Variants in KIF13B observed in about 807,000 individuals in gnomAD.
KIF13B encodes the protein kinesin family member 13B.
In KIF13B, 127 loss-of-function variants were observed where a neutral mutation model predicts 222.0. The ratio of observed to expected loss-of-function variants is 0.57; its 90% confidence interval spans 0.50 to 0.66. KIF13B has a LOEUF of 0.66. Among genes scored for constraint, KIF13B ranks in the 30% least tolerant of loss-of-function variants. The pLI is 0.00. For synonymous variants in KIF13B, 976 were observed against 919.0 expected, an observed-to-expected ratio of 1.06 and a Z score of -1.12; for missense variants, 2,173 against 2,379.0, an observed-to-expected ratio of 0.91 and a Z score of 1.80.
chr8:29,147,787 T>A (rs1811124207), intron 16 of KIF13B, among the ~76,000 whole-genome samples, 185 bp from the exon 17 acceptor site: 1 of 152,208 alleles, frequency 6.6e-6, no homozygotes, highest in African/African-American at 2.4e-5. Flanking sequence ...CTCAGACATA[T>A]CCTCAACCAT....
intron 2 of KIF13B, among the ~76,000 whole-genome samples, chr8:29,202,313 T>A (rs1813730798): frequency 6.6e-6 from 1 of 152,120 alleles, no homozygotes; most frequent in Non-Finnish European, 1.5e-5. Context: ...AAGTGGGATA[T>A]CTCTTTATTT....
At chr8:29,091,459 C>T (rs1434223092) in intron 37 of KIF13B, among the ~76,000 whole-genome samples, 2 of 152,214 alleles carry the variant, frequency 1.3e-5, no homozygotes, top group African/African-American at 4.8e-5. Context: ...GGATAGCAGA[C>T]TTCACTGAAT....
intron 30 of KIF13B, among the ~76,000 whole-genome samples, chr8:29,118,081 C>G (rs930365120): frequency 6.6e-6 from 1 of 151,846 alleles, no homozygotes; most frequent in African/African-American, 2.4e-5. Context: ...TCACTTGAAC[C>G]CAGGAGGCAG....
chr8:29,070,781 G>C lies in KIF13B; in HGVS notation c.5219-15C>G, dbSNP rs1353961369. On this transcript the variant is annotated splice_polypyrimidine_tract_variant and intron_variant, in intron 39 of 39. Coordinates refer to ENST00000524189, the MANE Select transcript of KIF13B (RefSeq NM_015254.4). This position sits in a 1 kb window ranked among gnomAD's most constrained non-coding sequence, Gnocchi z 4.1. The stretch of plus-strand genomic sequence containing the variant: ...GTCATTCTTACCTGCGGGGGAAGGA[G>C]AGGGTGATATGGAGGGCAGCCGAGC... The C allele has an allele frequency of 5.0e-6, 8 of 1,584,358 alleles. No individual in the cohort carries two copies. The highest frequency in any genetic ancestry group is 6.9e-6 in the Non-Finnish European group (8 of 1,166,064).
intron 19 of KIF13B, among the ~76,000 whole-genome samples, chr8:29,141,631 T>C (rs896278628): frequency 1.3e-5 from 2 of 152,196 alleles, no homozygotes; most frequent in Non-Finnish European, 2.9e-5. Flanking sequence ...ACATGGCTGA[T>C]CTAAGTAAGA....
Position 29,077,257 on chromosome 8 carries a change from C to T in KIF13B, c.4459-1914G>A, listed in dbSNP as rs574845996. Among the ~76,000 whole-genome samples the T allele has an allele frequency of 1.4e-4, 21 of 152,318 alleles. 3 individuals carry two copies. In the South Asian group the frequency reaches 4.1e-3, roughly 30 times the overall value. On this transcript the variant is annotated intron_variant, in intron 37 of 39. Transcript: ENST00000524189. ...AGTCTCCCCTCTGCGCCCCTCCCAG[C>T]ACTCAGCTCCTTCTGTCCCACTACT...
intron 1 of KIF13B, among the ~76,000 whole-genome samples, chr8:29,251,956 A>C (rs1192168673): frequency 3.3e-5 from 5 of 152,038 alleles, no homozygotes. Context: ...CAAGCTTTAC[A>C]GTACTCAGAA....
chr8:29,174,988 G>A (rs141837263), intron 10 of KIF13B, among the ~76,000 whole-genome samples: 31 of 152,178 alleles, frequency 2.0e-4, no homozygotes, highest in Non-Finnish European at 3.8e-4. Context: ...CTACTGGGGC[G>A]GCCCGTGTTG....
intron 2 of KIF13B, among the ~76,000 whole-genome samples, chr8:29,218,206 C>A (rs1814580449): frequency 6.6e-6 from 1 of 152,158 alleles, no homozygotes; most frequent in South Asian, 2.1e-4. Context: ...CCAGCTCCTG[C>A]AATGGAAATC....
At chr8:29,092,230 G>T (rs554535545) in intron 37 of KIF13B, among the ~76,000 whole-genome samples, 1 of 152,234 alleles carries the variant, frequency 6.6e-6, no homozygotes, top group Admixed American at 6.5e-5. Context: ...AAACCTTTTC[G>T]CATTTGCTCT....
At position 29,140,456 on chromosome 8, in the gene KIF13B, G is replaced by A. The variant is rs1810765304; in HGVS notation, c.2484+12C>T. On this transcript the variant is annotated intron_variant, in intron 20 of 39. Coordinates refer to ENST00000524189, the MANE Select transcript of KIF13B (RefSeq NM_015254.4). The stretch of plus-strand genomic sequence containing the variant: ...TTCTCTACAGGAAACAAGGCATGAA[G>A]AGAAAACCAACCTCTCCTTTCTGGT... 6.2e-7 allele frequency: 1 copy of A among 1,611,644 alleles called. No individual in the cohort carries two copies. The highest frequency in any genetic ancestry group is 8.5e-7 in the Non-Finnish European group (1 of 1,178,692).
chr8:29,124,642 G>A lies in KIF13B; in HGVS notation c.3253-519C>T, dbSNP rs138954081. On this transcript the variant is annotated intron_variant, in intron 26 of 39. Transcript: ENST00000524189. The stretch of plus-strand genomic sequence containing the variant: ...CTCACATCTGTAATGCCAGCACTTT[G>A]GGAGGTCAAGGCAGGCAGATAACCT... Among the ~76,000 whole-genome samples the A allele has an allele frequency of 2.0e-3, 299 of 152,196 alleles. 1 individual carries two copies. Among genetic ancestry groups the A allele is most frequent in the African/African-American group, 6.9e-3 (285 of 41,512 alleles).
intron 32 of KIF13B, among the ~76,000 whole-genome samples, chr8:29,112,206 G>C (rs1162584429): frequency 2.6e-5 from 4 of 152,042 alleles, no homozygotes; most frequent in Non-Finnish European, 4.4e-5. Context: ...ATCCCAGCAC[G>C]GGCGGATCAC....
chr8:29,207,190 G>A (rs376957014), intron 2 of KIF13B, among the ~76,000 whole-genome samples: 196 of 152,162 alleles, frequency 1.3e-3, no homozygotes, highest in African/African-American at 4.5e-3. Flanking sequence ...AATCTCCTAC[G>A]CCCGTGCTTA....
At chr8:29,197,915 A>G (rs1813513146) in intron 2 of KIF13B, among the ~76,000 whole-genome samples, 2 of 152,378 alleles carry the variant, frequency 1.3e-5, no homozygotes, top group East Asian at 3.8e-4. Context: ...AAATAGGAAC[A>G]ATAATAATTG....
chr8:29,200,386 C>T (rs1365972237), intron 2 of KIF13B, among the ~76,000 whole-genome samples: 1 of 152,202 alleles, frequency 6.6e-6, no homozygotes, highest in African/African-American at 2.4e-5. Context: ...GCTGACCAAT[C>T]CAGAGAAATG....
intron 37 of KIF13B, among the ~76,000 whole-genome samples, chr8:29,088,192 A>C (rs1437784165): frequency 6.6e-6 from 1 of 151,980 alleles, no homozygotes; most frequent in Non-Finnish European, 1.5e-5. Flanking sequence ...CTTGAACCTG[A>C]GAAGCAGAGG....
intron 37 of KIF13B, among the ~76,000 whole-genome samples, chr8:29,083,991 T>C (rs894551745): frequency 1.3e-5 from 2 of 152,298 alleles, no homozygotes; most frequent in Middle Eastern, 3.4e-3. Flanking sequence ...CTCGGCTCAC[T>C]GCAACCTCCG....
At chr8:29,100,631 T>C (rs1201558205) in intron 35 of KIF13B, among the ~76,000 whole-genome samples, 1 of 152,154 alleles carries the variant, frequency 6.6e-6, no homozygotes, top group Non-Finnish European at 1.5e-5. Flanking sequence ...TTAGTAGAGA[T>C]GGAGGGGGTG....
Sources: allele counts gnomAD v4.1 joint callset (sites outside exome capture counted in the v4.1 genomes callset), GRCh38; gene constraint gnomAD v4.1.1; non-coding constraint Gnocchi (gnomAD v3.1); transcripts MANE v1.5; gene names NCBI Gene and HGNC (gene_info 2026-07-23, HGNC 2026-07-21).